The following ZC4H2 variants were observed in gnomAD, a reference collection of about 807,000 sequenced individuals.
The protein encoded by ZC4H2 is zinc finger C4H2 domain-containing protein.
For synonymous variants in ZC4H2, 84 were observed against 66.3 expected, an observed-to-expected ratio of 1.27 and a Z score of -1.30; for missense variants, 137 against 173.9, an observed-to-expected ratio of 0.79 and a Z score of 1.19.
At chrX:64,998,164 T>A (rs1469103119) in intron 1 of ZC4H2, among the ~76,000 whole-genome samples, 3 of 111,125 alleles carry the variant, frequency 2.7e-5, no homozygotes, top group African/African-American at 9.8e-5. Context: ...AATAGCAAAA[T>A]GGCAGAAGTA....
chrX:64,945,376 C>G (rs1440815610), intron 1 of ZC4H2, among the ~76,000 whole-genome samples: 1 of 111,849 alleles, frequency 8.9e-6, no homozygotes, highest in Non-Finnish European at 1.9e-5. Flanking sequence ...GTGGTCCACT[C>G]CAGATCCTAT....
intron 1 of ZC4H2, among the ~76,000 whole-genome samples, chrX:64,991,712 A>T (rs1602442243): frequency 8.9e-6 from 1 of 111,908 alleles, no homozygotes; most frequent in Admixed American, 9.5e-5. Context: ...CCACAGAAAA[A>T]CTTGTATGTG....
At chrX:64,980,058 C>A (rs956473840), upstream of ZC4H2, among the ~76,000 whole-genome samples, 10 of 112,244 alleles carry the variant, frequency 8.9e-5, no homozygotes, top group Non-Finnish European at 1.9e-4. Flanking sequence ...GATGCAACAA[C>A]AGTCTTGGTT....
At position 64,920,215 on chromosome X, in the gene ZC4H2, G is replaced by A. The variant is rs1199743055; in HGVS notation, c.264C>T (p.Asn88=). The A allele has an allele frequency of 8.3e-7, 1 of 1,209,269 alleles. No homozygotes were observed. The highest frequency in any genetic ancestry group is 1.1e-6 in the Non-Finnish European group (1 of 894,984). ...GCCTCCTTGTAGACTCTAGCAGCTT[G>A]TTTAGGTCATTCTCAGATTGTTTGA... is the stretch of plus-strand genomic sequence containing the variant. ...NTIKQSENDL[N]KLLESTRRLH... The change falls in exon 3 of 5, where the codon AAC becomes AAT. Residue 88 remains asparagine, a synonymous_variant. Coordinates refer to ENST00000374839, the MANE Select transcript of ZC4H2 (RefSeq NM_018684.4).
chrX:64,922,832 T>C (rs970636428), intron 1 of ZC4H2, among the ~76,000 whole-genome samples: 6 of 112,490 alleles, frequency 5.3e-5, no homozygotes, highest in Non-Finnish European at 1.1e-4. Context: ...TTTTGAATTT[T>C]ATTTAATCAA....
chrX:65,001,241 G>C (rs994500081), intron 1 of ZC4H2, among the ~76,000 whole-genome samples: 10 of 112,047 alleles, frequency 8.9e-5, no homozygotes, highest in African/African-American at 3.2e-4. Context: ...AGATCTCTCT[G>C]CAGGAACCCT....
intron 2 of ZC4H2, among the ~76,000 whole-genome samples, chrX:64,921,162 T>C (rs1041254764): frequency 1.8e-5 from 2 of 112,389 alleles, no homozygotes; most frequent in African/African-American, 6.5e-5. Flanking sequence ...TTAGTTCCTT[T>C]GAAAGTAAAT....
chrX:64,995,063 G>T (rs1932384617), intron 1 of ZC4H2, among the ~76,000 whole-genome samples: 1 of 107,556 alleles, frequency 9.3e-6, no homozygotes, highest in African/African-American at 3.4e-5. Context: ...GCTTTTCTAG[G>T]ATTCATGGGG....
intron 1 of ZC4H2, among the ~76,000 whole-genome samples, chrX:64,947,532 C>G (rs1930592675): frequency 8.9e-6 from 1 of 112,428 alleles, no homozygotes; most frequent in Non-Finnish European, 1.9e-5. Flanking sequence ...AATGCTTTTA[C>G]TTTATAAACT....
At position 64,985,575 on chromosome X, in the gene ZC4H2, C is replaced by T. The variant is rs759611822; in HGVS notation, c.-272+49054G>A. Reference sequence around the variant, plus strand: ...GTTCCTGCTTTGGGGATGCTCATAGCTTATTTGGAGATGGGCCCGTAAATA... The same window carrying T: ...GTTCCTGCTTTGGGGATGCTCATAGTTTATTTGGAGATGGGCCCGTAAATA... On this transcript the variant is annotated intron_variant, in intron 1 of 4. Transcript: ENST00000337990. 2.7e-5 allele frequency among the ~76,000 whole-genome samples: 3 copies of T among 111,437 alleles called. No individual in the cohort carries two copies. In the South Asian group the frequency reaches 1.1e-3, roughly 42 times the overall value.
intron 1 of ZC4H2, among the ~76,000 whole-genome samples, chrX:64,987,119 AG>A (rs1402379593): frequency 1.8e-5 from 2 of 108,706 alleles, no homozygotes; most frequent in Non-Finnish European, 3.8e-5. Context: ...TAGTAGAGAC[AG>A]GGTTTCACTG....
At chrX:64,928,678 CTT>C (rs1569204168) in intron 1 of ZC4H2, among the ~76,000 whole-genome samples, 3 of 104,135 alleles carry the variant, frequency 2.9e-5, no homozygotes, top group Non-Finnish European at 5.9e-5. Context: ...TCTTCTTCTT[CTT>C]CTTCCTCCTC....
intron 1 of ZC4H2, among the ~76,000 whole-genome samples, chrX:64,946,756 G>A (rs1382472802): frequency 9.0e-6 from 1 of 111,558 alleles, no homozygotes; most frequent in Non-Finnish European, 1.9e-5. Context: ...TCACAGCACA[G>A]GTAATGTGCA....
chrX:64,952,720 T>A (rs1930917317), intron 1 of ZC4H2, among the ~76,000 whole-genome samples: 1 of 109,790 alleles, frequency 9.1e-6, no homozygotes, highest in African/African-American at 3.3e-5. Context: ...CAAGAATCAA[T>A]ATCGTGAAAA....
intron 1 of ZC4H2, among the ~76,000 whole-genome samples, chrX:65,007,389 T>A (rs1417993089): frequency 1.8e-5 from 2 of 112,345 alleles, no homozygotes; most frequent in Admixed American, 9.5e-5. Context: ...TTTTTATTGT[T>A]GTAGACTGTC....
intron 1 of ZC4H2, among the ~76,000 whole-genome samples, chrX:64,946,532 G>A (rs1448777287): frequency 9.2e-6 from 1 of 108,613 alleles, no homozygotes; most frequent in East Asian, 2.9e-4. Context: ...GATCAGAGCT[G>A]TTCCTATTCA....
chrX:64,997,889 A>T (rs890602441), intron 1 of ZC4H2, among the ~76,000 whole-genome samples: 28 of 112,089 alleles, frequency 2.5e-4, no homozygotes, highest in Non-Finnish European at 5.1e-4. Flanking sequence ...AAATACTGAG[A>T]TTATAGGTGT....
chrX:64,928,697 T>C (rs866541802), intron 1 of ZC4H2, among the ~76,000 whole-genome samples: 1 of 100,333 alleles, frequency 1.0e-5, no homozygotes, highest in Admixed American at 1.1e-4. Flanking sequence ...CCTCCTCTTC[T>C]TCTTCTCCTC....
intron 1 of ZC4H2, among the ~76,000 whole-genome samples, chrX:64,981,985 C>T (rs1231438441): frequency 9.0e-6 from 1 of 111,240 alleles, no homozygotes; most frequent in Admixed American, 9.6e-5. Context: ...TCTCACCTAC[C>T]CAATGTCACT....
Sources: gnomAD v4.1 joint callset for allele counts (sites outside exome capture counted in the v4.1 genomes callset) on GRCh38, gnomAD v4.1.1 for gene constraint, MANE v1.5 for transcripts, NCBI Gene and HGNC (gene_info 2026-07-23, HGNC 2026-07-21) for gene names.